The following ARFGAP1 variants were observed in gnomAD, a reference collection of about 807,000 sequenced individuals.
The protein encoded by ARFGAP1 is ARF GTPase activating protein 1, also known as ADP-ribosylation factor GTPase-activating protein 1.
ARFGAP1 carries 26 observed loss-of-function variants against 54.0 expected under a neutral mutation model. The ratio of observed to expected loss-of-function variants is 0.48; its 90% CI spans 0.35 to 0.67. The LOEUF (loss-of-function observed/expected upper bound fraction) is 0.67. ARFGAP1 is among the 30% of genes least tolerant of loss of function. ARFGAP1 has a pLI of 0.00. For synonymous variants in ARFGAP1, 248 were observed against 211.9 expected (o/e 1.17, Z -1.48); for missense variants, 525 against 535.8 (o/e 0.98, Z 0.20).
intron 6 of ARFGAP1, 67 bp from the exon 7 acceptor site, chr20:63,278,832 C>T (rs1166430714): frequency 6.6e-7 from 1 of 1,523,830 alleles, no homozygotes; most frequent in African/African-American, 1.4e-5. Context: ...GTGTTCAGGG[C>T]CCCACGCCCT....
chr20:63,280,069 G>T (rs1381756945), intron 7 of ARFGAP1, among the ~76,000 whole-genome samples: 3 of 152,144 alleles, frequency 2.0e-5, no homozygotes, highest in African/African-American at 7.2e-5. Flanking sequence ...TTGAACCCGG[G>T]AGGCGGAGGT....
intron 6 of ARFGAP1, chr20:63,278,488 T>C: frequency 2.1e-6 from 1 of 472,896 alleles, no homozygotes; most frequent in Non-Finnish European, 3.8e-6. Flanking sequence ...CTTGGGTGTA[T>C]TGCAGTGACC....
intron 6 of ARFGAP1, among the ~76,000 whole-genome samples, 172 bp from the exon 7 acceptor site, chr20:63,278,727 G>T (rs976371824): frequency 5.0e-5 from 7 of 139,160 alleles, no homozygotes; most frequent in African/African-American, 7.4e-5. Context: ...CTTTTTAAAT[G>T]ATCAGAAAGC....
Position 63,277,247 on chromosome 20 carries a change from T to C in ARFGAP1, c.385T>C (p.Ser129Pro), listed in dbSNP as rs2123225192. 2 of 1,612,970 alleles carry C rather than the reference T, an allele frequency of 1.2e-6. No individual in the cohort carries two copies. The highest frequency in any genetic ancestry group is 8.5e-7 in the Non-Finnish European group (1 of 1,179,896). Reference protein sequence around the residue: ...AEGREWSLESSPAQNWTPPQP... With the variant: ...AEGREWSLESPPAQNWTPPQP... ...AGGCAGAGAGTGGTCTCTGGAGTCATCACCTGCCCAGAACTGGACCCCACC... is the reference window on the plus strand; with the variant it reads ...AGGCAGAGAGTGGTCTCTGGAGTCACCACCTGCCCAGAACTGGACCCCACC... Residue 129 changes from serine to proline, a missense_variant, in exon 5 of 13, where the codon TCA becomes CCA. Around this residue, in one of 3 missense-constraint regions of ARFGAP1, gnomAD observed 466 missense variants for 453.6 expected, o/e 1.03. Transcript: ENST00000370283.
chr20:63,278,078 C>G, intron 5 of ARFGAP1, 39 bp from the exon 6 acceptor site: 1 of 1,599,656 alleles, frequency 6.3e-7, no homozygotes, highest in East Asian at 2.2e-5. Flanking sequence ...CAGACTTCAC[C>G]CAGTTTTGGC....
chr20:63,284,683 GC>G, intron 9 of ARFGAP1, 182 bp from the exon 10 acceptor site: 1 of 1,437,244 alleles, frequency 7.0e-7, no homozygotes. Context: ...TCTAGAGGTG[GC>G]GGCCTACTGC....
In ARFGAP1 at chr20:63,278,896, C is replaced by T. The variant is rs960798535; in HGVS notation, c.531-3C>T. The T allele has an allele frequency of 4.3e-6, 7 of 1,614,136 alleles. No individual in the cohort carries two copies. The highest frequency in any genetic ancestry group is 2.2e-5 in the East Asian group (1 of 44,884). The stretch of plus-strand genomic sequence containing the variant: ...TTCGGCCTCTTGTCCGCTTTGTTTT[C>T]AGGGCCCAGGGGAATCGCTACGTGG... On this transcript the variant is annotated splice_polypyrimidine_tract_variant and splice_region_variant and intron_variant, in intron 6 of 12. Transcript: ENST00000370283.
intron 7 of ARFGAP1, chr20:63,279,246 T>C (rs2067316346): frequency 1.7e-6 from 1 of 579,612 alleles, no homozygotes. Context: ...TCGCCCAGGC[T>C]GCAGACTGGA....
At chr20:63,279,508 CACTT>C (rs1014119532) in intron 7 of ARFGAP1, among the ~76,000 whole-genome samples, 2 of 152,134 alleles carry the variant, frequency 1.3e-5, no homozygotes, top group African/African-American at 4.8e-5. Context: ...GCCCGGCCAT[CACTT>C]ACTTCTAACA....
intron 9 of ARFGAP1, chr20:63,283,526 G>T: frequency 5.3e-6 from 2 of 378,674 alleles, no homozygotes; most frequent in Non-Finnish European, 9.5e-6. Context: ...TTCTCACGAG[G>T]TGCCCATCCG....
At chr20:63,283,944 CTG>C (rs2067454537) in intron 9 of ARFGAP1, 1 of 1,604,316 alleles carries the variant, frequency 6.2e-7, no homozygotes, top group Non-Finnish European at 8.5e-7. Flanking sequence ...TTGGCTTCCT[CTG>C]TCCCTCCTGC....
chr20:63,278,589 T>C, intron 6 of ARFGAP1: 2 of 486,582 alleles, frequency 4.1e-6, no homozygotes, highest in East Asian at 7.3e-5. Context: ...GCGTGGAATC[T>C]GCTGGACCTA....
intron 6 of ARFGAP1, 109 bp from the exon 7 acceptor site, chr20:63,278,790 T>G (rs1601342619): frequency 1.1e-6 from 1 of 948,660 alleles, no homozygotes; most frequent in Non-Finnish European, 1.6e-6. Flanking sequence ...CGTGGGGACG[T>G]TGGCACGTCC....
In ARFGAP1 at chr20:63,287,823, G is replaced by T; in HGVS notation, c.1171G>T (p.Val391Leu). Residue 391 changes from valine (V) to leucine (L), a missense_variant, in exon 13 of 13, where the codon GTG (valine) becomes TTG (leucine). By Grantham distance (32) the Val-to-Leu change is conservative. Transcript: ENST00000370283. ...GGGCGGGGAGGGCACCAAGAAGGCA[G>T]TGCCGCCGGCCGTGCCCACTGATGA... Reference protein sequence around the residue: ...GEGGEGTKKAVPPAVPTDDGW... With the variant: ...GEGGEGTKKALPPAVPTDDGW... The T allele has an allele frequency of 6.3e-7, 1 of 1,584,632 alleles. No homozygotes were observed.
At position 63,285,094 on chromosome 20, in the gene ARFGAP1, A is replaced by AC. The variant is rs368754466; in HGVS notation, c.774+178dup. ...TCCTCGGGGCCTGGGCTCCTCTTGG[A>AC]CCCCCCAGCTGGTCCCTTCCCCTGG... is the stretch of plus-strand genomic sequence containing the variant. On this transcript the variant is annotated intron_variant, in intron 10 of 12. Coordinates refer to ENST00000370283, the MANE Select transcript of ARFGAP1 (RefSeq NM_018209.4). Among the ~76,000 whole-genome samples the AC allele has an allele frequency of 5.3e-5, 8 of 150,604 alleles. No homozygotes were observed. In the East Asian group the frequency reaches 1.6e-3, roughly 29 times the overall value.
At chr20:63,281,913 G>A (rs2067391272) in intron 8 of ARFGAP1, among the ~76,000 whole-genome samples, 2 of 152,286 alleles carry the variant, frequency 1.3e-5, no homozygotes, top group Middle Eastern at 3.4e-3. Context: ...GCAGCGCGGG[G>A]CAGCTGGGTG....
chr20:63,277,356 TA>T, intron 5 of ARFGAP1, 51 bp downstream of exon 5: 2 of 1,462,552 alleles, frequency 1.4e-6, no homozygotes, highest in South Asian at 1.3e-5. Context: ...GTCCTGAACT[TA>T]GTAGATTGGG....
At chr20:63,282,691 G>A (rs1383579960) in intron 8 of ARFGAP1, 128 bp from the exon 9 acceptor site, 9 of 892,064 alleles carry the variant, frequency 1.0e-5, no homozygotes, top group South Asian at 4.2e-5. Context: ...TATAGGGCCC[G>A]CCCAGAGCCG....
intron 12 of ARFGAP1, 68 bp downstream of exon 12, chr20:63,286,510 T>C: frequency 1.4e-6 from 2 of 1,478,458 alleles, no homozygotes; most frequent in East Asian, 2.4e-5. Flanking sequence ...CTACAGGCTC[T>C]CCAGGAGGTG....
Sources: allele counts gnomAD v4.1 joint callset (sites outside exome capture counted in the v4.1 genomes callset), GRCh38; gene constraint gnomAD v4.1.1; regional missense constraint gnomAD v4.1.1; transcripts MANE v1.5; gene names NCBI Gene and HGNC (gene_info 2026-07-23, HGNC 2026-07-21).